Variants in HOXD11 observed in about 807,000 individuals in gnomAD.
HOXD11 encodes homeobox D11, also known as homeobox protein Hox-D11.
Under a neutral mutation model 23.1 loss-of-function variants are expected in HOXD11, and 16 were observed. That is an observed-to-expected ratio of 0.69 (90% CI 0.47 to 1.05). HOXD11 has a LOEUF of 1.05. Ranked by LOEUF, HOXD11 falls within the 50% of genes least tolerant of loss-of-function variation. HOXD11 has a pLI of 0.00. For missense variants in HOXD11, 564 were observed against 495.6 expected, an observed-to-expected ratio of 1.14 and a Z score of -1.31; for synonymous variants, 262 against 224.4, an observed-to-expected ratio of 1.17 and a Z score of -1.50.
chr2:176,108,106 G>A lies in HOXD11; in HGVS notation c.751G>A (p.Glu251Lys). The change falls in exon 1 of 2, where the codon GAG (glutamate) becomes AAG (lysine). Residue 251 changes from glutamate to lysine, a missense_variant. By Grantham distance (56) the Glu-to-Lys change is moderately conservative (BLOSUM62 1). Coordinates refer to ENST00000249504, the MANE Select transcript of HOXD11 (RefSeq NM_021192.3). ...SGGDGEGPPG[E>K]AGAEKSSSAV... is the part of the protein sequence containing the mutation. ...TGGCGACGGCGAGGGCCCCCCGGGA[G>A]AGGCGGGGGCCGAGAAGAGCAGCAG... 1 of 1,450,458 alleles carries A rather than the reference G, an allele frequency of 6.9e-7. No homozygotes were observed. The highest frequency in any genetic ancestry group is 9.0e-7 in the Non-Finnish European group (1 of 1,105,992). The allele number at this position is 1,450,458 out of a possible 1,614,324, so 89.8% of individuals were successfully genotyped here. A position where few individuals can be genotyped will look rare whatever the true frequency, so the allele number is the denominator to read the frequency against.
chr2:176,108,662 T>TGTGTGG, intron 1 of HOXD11: 2 of 406,052 alleles, frequency 4.9e-6, no homozygotes, highest in Non-Finnish European at 4.3e-6. Flanking sequence ...CCAGGCTCTG[T>TGTGTGG]GTGTGTGTGT....
chr2:176,107,915 G>A lies in HOXD11; in HGVS notation c.560G>A (p.Gly187Glu), dbSNP rs919417348. 1 of 1,430,820 alleles carries A rather than the reference G, an allele frequency of 7.0e-7. No individual in the cohort carries two copies. The highest frequency in any genetic ancestry group is 1.4e-5 in the South Asian group (1 of 70,344). The allele number at this position is 1,430,820 out of a possible 1,614,324, so 88.6% of individuals were successfully genotyped here. The stretch of plus-strand genomic sequence containing the variant: ...GACCAGTTCTACGAGGCAGCGCCCG[G>A]GCCCCCGTTCGCCGGGCCGCAGCCC... ...GFDQFYEAAP[G>E]PPFAGPQPPP... Residue 187 changes from glycine (G) to glutamate (E), a missense_variant, in exon 1 of 2, where the codon GGG becomes GAG. Coordinates refer to ENST00000249504, the MANE Select transcript of HOXD11 (RefSeq NM_021192.3).
chr2:176,111,825 G>GCAAA (rs1689676317), downstream of HOXD11, among the ~76,000 whole-genome samples: 1 of 10,376 alleles, frequency 9.6e-5, no homozygotes, highest in African/African-American at 7.6e-4. Context: ...CCTCCCCCCC[G>GCAAA]CAAAAAAAAA....
chr2:176,112,385 T>A (rs1346771544), downstream of HOXD11, among the ~76,000 whole-genome samples: 7 of 152,160 alleles, frequency 4.6e-5, no homozygotes, highest in Non-Finnish European at 1.0e-4. Context: ...GGAGGATGAC[T>A]GCCCCCTTTC....
At chr2:176,110,933 C>T (rs1432171274), downstream of HOXD11, among the ~76,000 whole-genome samples, 1 of 152,204 alleles carries the variant, frequency 6.6e-6, no homozygotes, top group Non-Finnish European at 1.5e-5. Context: ...GCTGAGAATT[C>T]TGGCGGGGGG....
At chr2:176,115,591 A>G in the HOXD11 span, among the ~76,000 whole-genome samples, 2 of 152,242 alleles carry the variant, frequency 1.3e-5, no homozygotes, top group South Asian at 2.1e-4. Context: ...AAAATTACCA[A>G]GTAGCCCAAG....
At chr2:176,111,836 A>AAC (rs1260096349), downstream of HOXD11, among the ~76,000 whole-genome samples, 1 of 147,394 alleles carries the variant, frequency 6.8e-6, no homozygotes, top group Non-Finnish European at 1.5e-5. Context: ...CAAAAAAAAA[A>AAC]AAAAAAAAAA....
In HOXD11 at chr2:176,109,097, G is replaced by T. The variant is rs141775342; in HGVS notation, c.972G>T (p.Leu324=). Residue 324 remains leucine, a synonymous_variant, in exon 2 of 2, where the codon CTG becomes CTT. Coordinates refer to ENST00000249504, the MANE Select transcript of HOXD11 (RefSeq NM_021192.3). ...ATCGCAGGATGAAAGAAAAGAAACT[G>T]AACAGAGACCGTCTGCAGTATTTCA... is the stretch of plus-strand genomic sequence containing the variant. ...FQNRRMKEKK[L]NRDRLQYFTG... 114 of 1,613,956 alleles carry T rather than the reference G, an allele frequency of 7.1e-5. No individual in the cohort carries two copies. Among genetic ancestry groups the T allele is most frequent in the Non-Finnish European group, 9.3e-5 (110 of 1,179,940 alleles).
Position 176,107,922 on chromosome 2 carries a change from G to C in HOXD11, c.567G>C (p.Pro189=), listed in dbSNP as rs1371264624. The C allele has an allele frequency of 1.4e-6, 2 of 1,426,144 alleles. No individual in the cohort carries two copies. Among genetic ancestry groups the C allele is most frequent in the Non-Finnish European group, 1.8e-6 (2 of 1,090,116 alleles). 88.3% of individuals were successfully genotyped at this position (1,426,144 alleles called of 1,614,324 possible). A position where few individuals can be genotyped will look rare whatever the true frequency, so the allele number is the denominator to read the frequency against. Residue 189 remains proline, a synonymous_variant, in exon 1 of 2, where the codon CCG becomes CCC. Coordinates refer to ENST00000249504, the MANE Select transcript of HOXD11 (RefSeq NM_021192.3). ...DQFYEAAPGP[P]FAGPQPPPPP... is the part of the protein sequence containing the mutation. The stretch of plus-strand genomic sequence containing the variant: ...TCTACGAGGCAGCGCCCGGGCCCCC[G>C]TTCGCCGGGCCGCAGCCCCCGCCGC...
At chr2:176,115,146 G>T in the HOXD11 span, among the ~76,000 whole-genome samples, 1 of 152,100 alleles carries the variant, frequency 6.6e-6, no homozygotes, top group African/African-American at 2.4e-5. Context: ...GGTAGTGGTG[G>T]TAGTGGTGGT....
intron 1 of HOXD11, 24 bp downstream of exon 1, chr2:176,108,160 C>A (rs1357903614): frequency 1.6e-5 from 4 of 246,378 alleles, no homozygotes; most frequent in Non-Finnish European, 1.9e-5. Context: ...ACTGGGCAAG[C>A]GGTGGGCCCG....
chr2:176,108,662 T>G, intron 1 of HOXD11: 1 of 406,052 alleles, frequency 2.5e-6, no homozygotes, highest in Non-Finnish European at 4.3e-6. Flanking sequence ...CCAGGCTCTG[T>G]GTGTGTGTGT....
Position 176,107,348 on chromosome 2 carries a change from G to T in HOXD11, c.-8G>T, listed in dbSNP as rs1462999953. 1 of 1,575,342 alleles carries T rather than the reference G, an allele frequency of 6.3e-7. No individual in the cohort carries two copies. Among genetic ancestry groups the T allele is most frequent in the South Asian group, 1.2e-5 (1 of 86,370 alleles). Reference sequence around the variant, plus strand: ...CCAGAGGCTCGCTGGCGCGCACGCCGCGGAGTCATGAACGACTTTGACGAG... The same window carrying T: ...CCAGAGGCTCGCTGGCGCGCACGCCTCGGAGTCATGAACGACTTTGACGAG... On this transcript the variant is annotated 5_prime_UTR_variant, in exon 1 of 2. Coordinates refer to ENST00000249504, the MANE Select transcript of HOXD11 (RefSeq NM_021192.3).
downstream of HOXD11, among the ~76,000 whole-genome samples, chr2:176,111,806 T>C (rs1212358352): frequency 1.1e-5 from 1 of 89,372 alleles, no homozygotes; most frequent in African/African-American, 4.9e-5. Flanking sequence ...ACCCCCTACT[T>C]AACATCCCCC....
downstream of HOXD11, among the ~76,000 whole-genome samples, chr2:176,112,122 C>G (rs1224757720): frequency 6.6e-6 from 1 of 152,152 alleles, no homozygotes; most frequent in Non-Finnish European, 1.5e-5. Flanking sequence ...TCGGGGGAAA[C>G]GTTTATACTT....
downstream of HOXD11, among the ~76,000 whole-genome samples, chr2:176,110,803 A>T (rs1689663126): frequency 6.6e-6 from 1 of 152,260 alleles, no homozygotes; most frequent in South Asian, 2.1e-4. Context: ...TCCTAATTTC[A>T]GGATCAATAA....
At chr2:176,111,695 T>C (rs975440505), downstream of HOXD11, among the ~76,000 whole-genome samples, 4 of 151,340 alleles carry the variant, frequency 2.6e-5, 1 homozygote, top group East Asian at 5.8e-4. Flanking sequence ...AAAAGATAAA[T>C]GTATGCATTT....
chr2:176,109,202 GCTCTCCGCA>G lies in HOXD11; in HGVS notation c.*61_*69del, dbSNP rs1689641179. ...CACCCACCCTCCTTCCCACCAGCCT[GCTCTCCGCA>G]GGCCCACTGTCCTTGGGTTTAATGA... is the stretch of plus-strand genomic sequence containing the variant. On this transcript the variant is annotated 3_prime_UTR_variant, in exon 2 of 2. Coordinates refer to ENST00000249504, the MANE Select transcript of HOXD11 (RefSeq NM_021192.3). The G allele has an allele frequency of 1.0e-5, 10 of 995,816 alleles. No homozygotes were observed. In the East Asian group the frequency reaches 2.4e-4, roughly 24 times the overall value. The allele number at this position is 995,816 out of a possible 1,614,324, so 61.7% of individuals were successfully genotyped here. A position where few individuals can be genotyped will look rare whatever the true frequency, so the allele number is the denominator to read the frequency against.
downstream of HOXD11, among the ~76,000 whole-genome samples, chr2:176,112,445 G>A (rs1002764239): frequency 6.6e-6 from 1 of 152,208 alleles, no homozygotes; most frequent in Non-Finnish European, 1.5e-5. Flanking sequence ...AATTAGCGCT[G>A]GCCTTGTTGG....
Sources: allele counts gnomAD v4.1 joint callset (sites outside exome capture counted in the v4.1 genomes callset), GRCh38; gene constraint gnomAD v4.1.1; transcripts MANE v1.5; gene names NCBI Gene and HGNC (gene_info 2026-07-23, HGNC 2026-07-21).